CDH23: variants seen among roughly 807,000 people sequenced by gnomAD.
The protein encoded by CDH23 is cadherin-23.
Under a neutral mutation model 317.1 loss-of-function variants are expected in CDH23, and 189 were observed. The ratio of observed to expected loss-of-function variants is 0.60; its 90% CI spans 0.53 to 0.67. The LOEUF (loss-of-function observed/expected upper bound fraction) is 0.67, where lower values mean the gene tolerates loss of function less well. CDH23 is among the 30% of genes least tolerant of loss of function. CDH23 has a pLI of 0.00. For missense variants in CDH23, 4,401 were observed against 4,592.4 expected, an observed-to-expected ratio of 0.96 and a Z score of 1.20; for synonymous variants, 1,839 against 1,876.8, an observed-to-expected ratio of 0.98 and a Z score of 0.52.
At chr10:71,709,062 T>C (rs1362384971) in intron 26 of CDH23, 36 bp from the exon 27 acceptor site, 1 of 1,597,094 alleles carries the variant, frequency 6.3e-7, no homozygotes. Flanking sequence ...GGGAGCTCTG[T>C]TTCCCAGCCG....
intron 3 of CDH23, among the ~76,000 whole-genome samples, chr10:71,462,207 G>C (rs1851030314): frequency 6.6e-6 from 1 of 152,264 alleles, no homozygotes; most frequent in African/African-American, 2.4e-5. Flanking sequence ...GAGATGCCCA[G>C]TGCAGTTCGC....
At chr10:71,439,387 C>G (rs1849765993) in intron 1 of CDH23, among the ~76,000 whole-genome samples, 1 of 152,216 alleles carries the variant, frequency 6.6e-6, no homozygotes, top group Admixed American at 6.5e-5. Flanking sequence ...AGACCGCTGT[C>G]TTCCCGGTCA....
At chr10:71,405,358 T>C (rs974938476) in intron 1 of CDH23, among the ~76,000 whole-genome samples, 1 of 152,024 alleles carries the variant, frequency 6.6e-6, no homozygotes, top group African/African-American at 2.4e-5. Context: ...AATGGAACTC[T>C]GGGCTAGACC....
At chr10:71,530,333 G>A (rs1436239204) in intron 6 of CDH23, among the ~76,000 whole-genome samples, 2 of 152,178 alleles carry the variant, frequency 1.3e-5, no homozygotes, top group African/African-American at 2.4e-5. Context: ...GGCCAGCTCA[G>A]GCCTTCCTCT....
In CDH23 at chr10:71,489,511, T is replaced by C. The variant is rs150305228; in HGVS notation, c.146-20571T>C. Among the ~76,000 whole-genome samples, 9 of 152,318 alleles carry C rather than the reference T, an allele frequency of 5.9e-5. No individual in the cohort carries two copies. The East Asian group carries it at 1.7e-3, about 29-fold the overall frequency. On this transcript the variant is annotated intron_variant, in intron 3 of 69. Coordinates refer to ENST00000224721, the MANE Select transcript of CDH23 (RefSeq NM_022124.6). ...GTAAACATGTTTTACATTCTATGCC[T>C]GATAATTGTAATATCTGAACTATTT...
At position 71,707,192 on chromosome 10, in the gene CDH23, G is replaced by A; in HGVS notation, c.3106+143G>A. 2.0e-6 allele frequency: 3 copies of A among 1,517,558 alleles called. No homozygotes were observed. In the African/African-American group the frequency reaches 4.1e-5, roughly 21 times the overall value. 94.0% of individuals were successfully genotyped at this position (1,517,558 alleles called of 1,614,324 possible). On this transcript the variant is annotated intron_variant, in intron 26 of 69. Transcript: ENST00000224721. Reference sequence around the variant, plus strand: ...TACTGTTGGGCTTTAGCCTCTGGTGGTGCCTCCCGAGGATTTGCTCCTGGC... The same window carrying A: ...TACTGTTGGGCTTTAGCCTCTGGTGATGCCTCCCGAGGATTTGCTCCTGGC...
At chr10:71,526,328 C>T (rs1855037421) in intron 6 of CDH23, among the ~76,000 whole-genome samples, 1 of 152,244 alleles carries the variant, frequency 6.6e-6, no homozygotes, top group Non-Finnish European at 1.5e-5. Context: ...TCACCTGTGG[C>T]TCTCCACGTG....
chr10:71,666,178 G>T (rs979002830), intron 14 of CDH23, among the ~76,000 whole-genome samples: 1 of 151,912 alleles, frequency 6.6e-6, no homozygotes, highest in Admixed American at 6.6e-5. Context: ...CCCAACCAGT[G>T]CTTTGAGCCT....
intron 3 of CDH23, among the ~76,000 whole-genome samples, chr10:71,473,194 C>T (rs565826843): frequency 1.3e-5 from 2 of 152,318 alleles, no homozygotes; most frequent in East Asian, 1.9e-4. Context: ...AGGATGCTCC[C>T]GGAGTCTTCC....
chr10:71,457,754 G>T (rs1271727457), intron 3 of CDH23, among the ~76,000 whole-genome samples: 4 of 152,246 alleles, frequency 2.6e-5, no homozygotes, highest in African/African-American at 7.2e-5. Flanking sequence ...TTTCTCAGAA[G>T]ATGCATTCCT....
At chr10:71,756,347 C>T (rs1277309873) in intron 38 of CDH23, among the ~76,000 whole-genome samples, 2 of 152,192 alleles carry the variant, frequency 1.3e-5, no homozygotes, top group Non-Finnish European at 1.5e-5. Flanking sequence ...TCTGTCTCCC[C>T]TGCCTCATTC....
At chr10:71,699,754 G>A (rs967595409) in intron 22 of CDH23, among the ~76,000 whole-genome samples, 3 of 152,312 alleles carry the variant, frequency 2.0e-5, no homozygotes, top group Non-Finnish European at 2.9e-5. Flanking sequence ...AAATAAATGA[G>A]GGGAAAGTGG....
intron 8 of CDH23, among the ~76,000 whole-genome samples, chr10:71,575,401 C>A (rs1858118060): frequency 6.6e-6 from 1 of 152,100 alleles, no homozygotes; most frequent in South Asian, 2.1e-4. Flanking sequence ...TGATTTTTAC[C>A]CATTTTATAG....
intron 9 of CDH23, among the ~76,000 whole-genome samples, chr10:71,590,322 G>C (rs888714331): frequency 6.6e-6 from 1 of 152,178 alleles, no homozygotes; most frequent in African/African-American, 2.4e-5. Flanking sequence ...GATTCTGTTG[G>C]GCTGTGCCCC....
At chr10:71,557,770 T>G (rs1856941478) in intron 6 of CDH23, among the ~76,000 whole-genome samples, 1 of 152,184 alleles carries the variant, frequency 6.6e-6, no homozygotes, top group African/African-American at 2.4e-5. Context: ...CCACTTTGAC[T>G]CTTGATCCTT....
chr10:71,510,620 C>T (rs1405594255), intron 4 of CDH23, among the ~76,000 whole-genome samples: 1 of 152,116 alleles, frequency 6.6e-6, no homozygotes, highest in Non-Finnish European at 1.5e-5. Context: ...AACACATCCC[C>T]AACCCTTACC....
At chr10:71,526,779 C>T (rs1855064106) in intron 6 of CDH23, among the ~76,000 whole-genome samples, 3 of 152,290 alleles carry the variant, frequency 2.0e-5, no homozygotes, top group South Asian at 4.1e-4. Flanking sequence ...ATGGCCAAGG[C>T]GTTGGGATTC....
chr10:71,509,931 A>G (rs1197174953), intron 3 of CDH23, 151 bp from the exon 4 acceptor site: 1 of 767,162 alleles, frequency 1.3e-6, no homozygotes, highest in Non-Finnish European at 2.2e-6. Context: ...CAGAGCTCCC[A>G]GATGCGCCAG....
chr10:71,660,285 C>T (rs993025187), intron 14 of CDH23, among the ~76,000 whole-genome samples: 1 of 152,154 alleles, frequency 6.6e-6, no homozygotes, highest in Non-Finnish European at 1.5e-5. Flanking sequence ...GAATAGGTTA[C>T]TTGTATCAAC....
Sources: allele counts gnomAD v4.1 joint callset (sites outside exome capture counted in the v4.1 genomes callset), GRCh38; gene constraint gnomAD v4.1.1; transcripts MANE v1.5; gene names NCBI Gene and HGNC (gene_info 2026-07-23, HGNC 2026-07-21).